CNTN3: variants seen among roughly 807,000 people sequenced by gnomAD.
CNTN3 encodes the protein contactin-3.
In CNTN3, 60 loss-of-function variants were observed where a neutral mutation model predicts 119.1. The observed-to-expected ratio is 0.50, with a 90% CI of 0.41 to 0.62. CNTN3 has a LOEUF of 0.62. Ranked by LOEUF, CNTN3 falls within the 20% of genes least tolerant of loss-of-function variation. The pLI is 0.00. For missense variants in CNTN3, 1,101 were observed against 1,242.4 expected (o/e 0.89, Z 1.71); for synonymous variants, 450 against 438.7 (o/e 1.03, Z -0.32).
intron 2 of CNTN3, among the ~76,000 whole-genome samples, chr3:74,514,763 T>C (rs1459768727): frequency 6.6e-6 from 1 of 152,110 alleles, no homozygotes; most frequent in Non-Finnish European, 1.5e-5. Flanking sequence ...CACAGAGTTC[T>C]TTCACTATGC....
intron 9 of CNTN3, 134 bp from the exon 10 acceptor site, chr3:74,364,730 T>C: frequency 3.1e-6 from 2 of 644,410 alleles, no homozygotes; most frequent in Non-Finnish European, 5.1e-6. Context: ...GCCTGAAATT[T>C]AACCTTTTCC....
chr3:74,370,485 T>C (rs1292009723), intron 6 of CNTN3, among the ~76,000 whole-genome samples: 1 of 152,146 alleles, frequency 6.6e-6, no homozygotes, highest in African/African-American at 2.4e-5. Flanking sequence ...GCAGGGAATT[T>C]ACTTAATGAT....
At chr3:74,447,224 T>C (rs1456482455) in intron 4 of CNTN3, among the ~76,000 whole-genome samples, 1 of 152,138 alleles carries the variant, frequency 6.6e-6, no homozygotes, top group Non-Finnish European at 1.5e-5. Flanking sequence ...AGAGGGCAGC[T>C]GTACAGAAAG....
At chr3:74,313,974 A>G (rs1440967449) in intron 13 of CNTN3, among the ~76,000 whole-genome samples, 2 of 152,214 alleles carry the variant, frequency 1.3e-5, no homozygotes, top group African/African-American at 2.4e-5. Context: ...TACCCATTTC[A>G]AAATATGTCA....
chr3:74,305,722 A>C (rs1005448329), intron 13 of CNTN3, among the ~76,000 whole-genome samples: 2 of 150,824 alleles, frequency 1.3e-5, no homozygotes, highest in East Asian at 3.9e-4. Flanking sequence ...TTTGGGATGA[A>C]GCACCATGAG....
chr3:74,298,428 A>G (rs896048013), intron 17 of CNTN3, among the ~76,000 whole-genome samples: 2 of 152,198 alleles, frequency 1.3e-5, no homozygotes, highest in Non-Finnish European at 2.9e-5. Flanking sequence ...ATTTTCTGTG[A>G]TTATTCAGTT....
At chr3:74,573,023 C>T (rs983834258) in intron 1 of CNTN3, among the ~76,000 whole-genome samples, 4 of 152,206 alleles carry the variant, frequency 2.6e-5, no homozygotes, top group Non-Finnish European at 1.5e-5. Flanking sequence ...AGCTCCATTA[C>T]CAGGGCATTT....
chr3:74,502,217 G>A (rs1703178539), intron 2 of CNTN3, among the ~76,000 whole-genome samples: 1 of 152,068 alleles, frequency 6.6e-6, no homozygotes. Context: ...GGAAATAACA[G>A]GAAAGTTGGG....
intron 1 of CNTN3, among the ~76,000 whole-genome samples, chr3:74,590,117 A>T (rs1419953673): frequency 6.6e-6 from 1 of 151,940 alleles, no homozygotes; most frequent in African/African-American, 2.4e-5. Context: ...ATAATAAAAA[A>T]AAGTATAATA....
chr3:74,604,379 C>T (rs1704959993), intron 1 of CNTN3, among the ~76,000 whole-genome samples: 1 of 152,026 alleles, frequency 6.6e-6, no homozygotes, highest in Admixed American at 6.6e-5. Context: ...AGAGACAATC[C>T]ATGGACTAGA....
chr3:74,574,131 A>G (rs1292425937), intron 1 of CNTN3, among the ~76,000 whole-genome samples: 1 of 152,206 alleles, frequency 6.6e-6, no homozygotes, highest in Non-Finnish European at 1.5e-5. Flanking sequence ...GGAATAAACT[A>G]TTGATACATG....
At chr3:74,367,793 GTTA>G (rs1559566495) in intron 8 of CNTN3, among the ~76,000 whole-genome samples, 1 of 152,058 alleles carries the variant, frequency 6.6e-6, no homozygotes, top group African/African-American at 2.4e-5. Flanking sequence ...CAGGGTTTCT[GTTA>G]TATAGAGCTA....
At chr3:74,313,936 A>G (rs2106647356) in intron 13 of CNTN3, among the ~76,000 whole-genome samples, 1 of 152,314 alleles carries the variant, frequency 6.6e-6, no homozygotes, top group Admixed American at 6.5e-5. Flanking sequence ...CAGCTTTGCA[A>G]AGCAGTTTTG....
intron 1 of CNTN3, among the ~76,000 whole-genome samples, chr3:74,531,651 G>A (rs1234170806): frequency 1.3e-5 from 2 of 151,956 alleles, no homozygotes; most frequent in African/African-American, 2.4e-5. Context: ...AAACCCAACG[G>A]TTAAGGGTGT....
intron 2 of CNTN3, among the ~76,000 whole-genome samples, chr3:74,513,878 A>G (rs559044809): frequency 3.5e-4 from 53 of 152,192 alleles, no homozygotes; most frequent in Non-Finnish European, 4.4e-5. Context: ...TCAAATGCCA[A>G]GACTTGCTTA....
At chr3:74,382,097 A>C (rs1270735003) in intron 5 of CNTN3, among the ~76,000 whole-genome samples, 1 of 152,166 alleles carries the variant, frequency 6.6e-6, no homozygotes, top group East Asian at 1.9e-4. Context: ...AATCCCAGCT[A>C]CTTGAGAGTC....
At chr3:74,504,492 T>C (rs1703218323) in intron 2 of CNTN3, among the ~76,000 whole-genome samples, 1 of 152,186 alleles carries the variant, frequency 6.6e-6, no homozygotes, top group Admixed American at 6.6e-5. Flanking sequence ...ATATCTTCTA[T>C]TTTGGCAATG....
rs1704149909 is a variant in CNTN3, at chr3:74,364,703, G to A, written c.1084-107C>T. On this transcript the variant is annotated intron_variant, in intron 9 of 22. Coordinates refer to ENST00000263665, the MANE Select transcript of CNTN3 (RefSeq NM_020872.3). ...ACAGAAACTTTCTGCATTTTTCTGA[G>A]AGTATTAGACAGGATGGCCTGAAAT... 5 of 976,206 alleles carry A rather than the reference G, an allele frequency of 5.1e-6. No individual in the cohort carries two copies. The Admixed American group carries it at 1.1e-4, about 22-fold the overall frequency. 60.5% of individuals were successfully genotyped at this position (976,206 alleles called of 1,614,324 possible).
chr3:74,555,655 C>T (rs1704057868), intron 1 of CNTN3, among the ~76,000 whole-genome samples: 1 of 152,122 alleles, frequency 6.6e-6, no homozygotes, highest in Admixed American at 6.6e-5. Flanking sequence ...ACATATGTGT[C>T]CAGGAATTTA....
Sources: allele counts gnomAD v4.1 joint callset (sites outside exome capture counted in the v4.1 genomes callset), GRCh38; gene constraint gnomAD v4.1.1; transcripts MANE v1.5; gene names NCBI Gene and HGNC (gene_info 2026-07-23, HGNC 2026-07-21).